Variants in FBXW7 observed in about 807,000 individuals in gnomAD.
FBXW7 encodes the protein F-box and WD repeat domain containing 7, also known as F-box/WD repeat-containing protein 7.
A neutral mutation model predicts 86.3 loss-of-function variants in FBXW7; 11 were observed. The ratio of observed to expected loss-of-function variants is 0.13; its 90% confidence interval spans 0.08 to 0.21. The LOEUF is 0.21. Among genes scored for constraint, FBXW7 ranks in the 10% least tolerant of loss-of-function variants. The probability of loss-of-function intolerance (pLI) is 1.00; values close to 1 mark genes in which losing one functional copy is unlikely to be tolerated. For missense variants in FBXW7, 488 were observed against 847.4 expected (o/e 0.58, Z 5.27); for synonymous variants, 313 against 297.9 (o/e 1.05, Z -0.52).
rs564674386 is a variant in FBXW7 at position 152,470,668 on chromosome 4, T to C, written c.-119-58139A>G. Reference sequence around the variant, plus strand: ...ATAATAAACTTATAGTACAAATCCTTTGCATCAAGTCGAGTCCAATTTATT... The same window carrying C: ...ATAATAAACTTATAGTACAAATCCTCTGCATCAAGTCGAGTCCAATTTATT... On this transcript the variant is annotated intron_variant, in intron 2 of 13. Transcript: ENST00000281708. Among the ~76,000 whole-genome samples, 11 of 152,220 alleles carry C rather than the reference T, an allele frequency of 7.2e-5. No homozygotes were observed. The South Asian group carries it at 2.3e-3, about 32-fold the overall frequency.
chr4:152,519,165 G>T (rs923446273), intron 2 of FBXW7, among the ~76,000 whole-genome samples: 8 of 152,180 alleles, frequency 5.3e-5, no homozygotes, highest in Non-Finnish European at 1.2e-4. Flanking sequence ...GGGCGTAGCG[G>T]TGGGCGCCTG....
chr4:152,517,113 G>A (rs982653311), intron 2 of FBXW7, among the ~76,000 whole-genome samples: 11 of 152,188 alleles, frequency 7.2e-5, no homozygotes, highest in African/African-American at 2.2e-4. Flanking sequence ...ATGAGCTACC[G>A]TGCCAGGCTG....
At chr4:152,347,964 G>A (rs1452099238) in intron 5 of FBXW7, among the ~76,000 whole-genome samples, 2 of 151,818 alleles carry the variant, frequency 1.3e-5, no homozygotes, top group African/African-American at 4.8e-5. Context: ...CCATTTTAAA[G>A]ACCTTGGAAA....
At chr4:152,333,367 T>C (rs1729755461) in intron 7 of FBXW7, among the ~76,000 whole-genome samples, 1 of 152,100 alleles carries the variant, frequency 6.6e-6, no homozygotes, top group African/African-American at 2.4e-5. Flanking sequence ...AGTTGTATAT[T>C]TGAGCTAAAT....
At chr4:152,438,472 G>A (rs1740588522) in intron 2 of FBXW7, among the ~76,000 whole-genome samples, 1 of 152,078 alleles carries the variant, frequency 6.6e-6, no homozygotes. Flanking sequence ...GAGGTCAGGA[G>A]TTCGAGACCA....
At chr4:152,490,749 C>T (rs1745767674) in intron 2 of FBXW7, among the ~76,000 whole-genome samples, 1 of 152,096 alleles carries the variant, frequency 6.6e-6, no homozygotes, top group African/African-American at 2.4e-5. Context: ...TGTGTATCTG[C>T]ATTAAGGACA....
chr4:152,416,497 A>C (rs986533858), intron 2 of FBXW7, among the ~76,000 whole-genome samples: 1 of 152,186 alleles, frequency 6.6e-6, no homozygotes, highest in Admixed American at 6.6e-5. Flanking sequence ...TAATACTTCG[A>C]AAACAATTAT....
intron 11 of FBXW7, 95 bp downstream of exon 11, chr4:152,328,113 C>T: frequency 1.1e-6 from 1 of 946,202 alleles, no homozygotes; most frequent in Non-Finnish European, 1.6e-6. Context: ...AATTTAAGAG[C>T]ACACTGTCAC....
At chr4:152,484,735 G>T (rs925615221) in intron 2 of FBXW7, among the ~76,000 whole-genome samples, 39 of 152,290 alleles carry the variant, frequency 2.6e-4, no homozygotes, top group African/African-American at 8.7e-4. Context: ...GCCAAGGTGG[G>T]TGGATCACCT....
At chr4:152,445,090 C>T (rs866045978) in intron 2 of FBXW7, among the ~76,000 whole-genome samples, 8 of 152,100 alleles carry the variant, frequency 5.3e-5, no homozygotes, top group South Asian at 4.1e-4. Flanking sequence ...CCTCCCAAAG[C>T]GCTAGGATTA....
chr4:152,366,138 C>G (rs953470000), intron 4 of FBXW7, among the ~76,000 whole-genome samples: 2 of 152,102 alleles, frequency 1.3e-5, no homozygotes, highest in African/African-American at 4.8e-5. Context: ...ATACATTTTA[C>G]AGGTTTATCA....
chr4:152,504,227 G>C (rs1019334322), intron 2 of FBXW7, among the ~76,000 whole-genome samples: 1 of 151,920 alleles, frequency 6.6e-6, no homozygotes, highest in Non-Finnish European at 1.5e-5. Flanking sequence ...ACTGGAAGAA[G>C]GTATGCCAGA....
intron 11 of FBXW7, among the ~76,000 whole-genome samples, chr4:152,327,036 A>C (rs746321354): frequency 3.3e-5 from 5 of 152,132 alleles, no homozygotes; most frequent in Non-Finnish European, 5.9e-5. Flanking sequence ...CAAATACTGT[A>C]ATCACTTTTG....
intron 4 of FBXW7, among the ~76,000 whole-genome samples, chr4:152,377,856 G>C (rs1734698369): frequency 6.6e-6 from 1 of 151,352 alleles, no homozygotes; most frequent in African/African-American, 2.4e-5. Context: ...ATAAAGGAAA[G>C]TAATGGCTTA....
chr4:152,419,237 G>C (rs920355782), intron 2 of FBXW7, among the ~76,000 whole-genome samples: 13 of 152,016 alleles, frequency 8.6e-5, no homozygotes, highest in African/African-American at 3.1e-4. Context: ...TAAGAAAAAT[G>C]AAGTGCCATT....
chr4:152,328,584 AAGC>A (rs1729270592), intron 10 of FBXW7, 195 bp from the exon 11 acceptor site: 1 of 424,262 alleles, frequency 2.4e-6, no homozygotes, highest in Non-Finnish European at 4.1e-6. Context: ...AAATTTATAT[AAGC>A]ACAAGCAATT....
At chr4:152,483,387 G>A (rs568565794) in intron 2 of FBXW7, among the ~76,000 whole-genome samples, 200 of 151,076 alleles carry the variant, frequency 1.3e-3, no homozygotes, top group Non-Finnish European at 2.2e-3. Flanking sequence ...TAGATATATG[G>A]CTCTTTATAG....
chr4:152,368,104 T>C (rs1005080616), intron 4 of FBXW7, among the ~76,000 whole-genome samples: 4 of 152,066 alleles, frequency 2.6e-5, no homozygotes, highest in African/African-American at 7.2e-5. Context: ...CACTCTGTTA[T>C]TAGTAAAACC....
At chr4:152,426,499 G>A (rs1003493159) in intron 2 of FBXW7, among the ~76,000 whole-genome samples, 7 of 151,970 alleles carry the variant, frequency 4.6e-5, no homozygotes, top group African/African-American at 1.5e-4. Flanking sequence ...ACAGGCGCAC[G>A]TCACCATGCC....
Sources: allele counts gnomAD v4.1 joint callset (sites outside exome capture counted in the v4.1 genomes callset), GRCh38; gene constraint gnomAD v4.1.1; transcripts MANE v1.5; gene names NCBI Gene and HGNC (gene_info 2026-07-23, HGNC 2026-07-21).